Variants in AKAP6 observed in about 807,000 individuals in gnomAD.
AKAP6 encodes the protein A-kinase anchor protein 6.
Under a neutral mutation model 188.5 loss-of-function variants are expected in AKAP6, and 58 were observed. That is an observed-to-expected ratio of 0.31 (90% CI 0.25 to 0.38). The LOEUF is 0.38. Ranked by LOEUF, AKAP6 falls within the 10% of genes least tolerant of loss-of-function variation. AKAP6 has a pLI of 1.00. For missense variants in AKAP6, 2,710 were observed against 2,740.0 expected (o/e 0.99, Z 0.24); for synonymous variants, 989 against 998.6 (o/e 0.99, Z 0.18).
intron 5 of AKAP6, among the ~76,000 whole-genome samples, chr14:32,583,794 A>G (rs1885096967): frequency 6.6e-6 from 1 of 151,898 alleles, no homozygotes; most frequent in African/African-American, 2.4e-5. Flanking sequence ...GCGGGATATA[A>G]TCTCCCGGTG....
At chr14:32,734,301 T>A (rs1162189403) in intron 10 of AKAP6, 1 of 152,172 alleles carries the variant, frequency 6.6e-6, no homozygotes, top group Non-Finnish European at 1.5e-5. Context: ...TAATATTACT[T>A]TCATCTAAGG....
chr14:32,781,152 G>A (rs909759589), intron 12 of AKAP6, among the ~76,000 whole-genome samples: 8 of 151,814 alleles, frequency 5.3e-5, no homozygotes, highest in African/African-American at 1.7e-4. Flanking sequence ...GAAAATCTGG[G>A]GTTATTTTTG....
chr14:32,397,348 A>G (rs570735061), intron 1 of AKAP6, among the ~76,000 whole-genome samples: 4 of 151,950 alleles, frequency 2.6e-5, no homozygotes, highest in African/African-American at 9.6e-5. Flanking sequence ...ACATAATGGT[A>G]CAGAAGTTAT....
At chr14:32,732,257 CTG>C (rs3830858) in intron 9 of AKAP6, among the ~76,000 whole-genome samples, 195 bp from the exon 10 acceptor site, 20,828 of 149,958 alleles carry the variant, frequency 0.14, 1,523 homozygotes, top group Middle Eastern at 0.21. Context: ...AATGTAATAA[CTG>C]TGTGTGTGTG....
In AKAP6 at chr14:32,552,086, GA is replaced by G. The variant is rs758744557; in HGVS notation, c.2346+5089del. Among the ~76,000 whole-genome samples, 6 of 152,322 alleles carry G rather than the reference GA, an allele frequency of 3.9e-5. No homozygotes were observed. The South Asian group carries it at 1.2e-3, about 32-fold the overall frequency. On this transcript the variant is annotated intron_variant, in intron 4 of 13. Coordinates refer to ENST00000280979, the MANE Select transcript of AKAP6 (RefSeq NM_004274.5). ...ATATTTATCTGTTTAGTTTGTTAAT[GA>G]ATCTCATGTACCTAGAACAATGCCT...
intron 12 of AKAP6, among the ~76,000 whole-genome samples, chr14:32,781,413 T>C (rs2033247885): frequency 6.6e-6 from 1 of 151,804 alleles, no homozygotes; most frequent in Non-Finnish European, 1.5e-5. Flanking sequence ...CTAAATACAT[T>C]GAGTCATTAG....
rs759532145 is a variant in AKAP6, at chr14:32,545,539, C to G, written c.886C>G (p.Gln296Glu). The change falls in exon 4 of 14, where the codon CAA becomes GAA. Residue 296 changes from glutamine to glutamate, a missense_variant. Physicochemically the swap from Gln to Glu is conservative, Grantham distance 29. Transcript: ENST00000280979. ...GSEAVTEEVSQVSLSVDDKGG... is the reference protein window; with the variant it reads ...GSEAVTEEVSEVSLSVDDKGG... ...TGAAGCAGTTACTGAGGAGGTATCT[C>G]AAGTATCTCTCTCAGTAGACGACAA... 1 of 1,614,192 alleles carries G rather than the reference C, an allele frequency of 6.2e-7. No homozygotes were observed. Among genetic ancestry groups the G allele is most frequent in the South Asian group, 1.1e-5 (1 of 91,080 alleles).
At chr14:32,684,817 A>G (rs1488132950) in intron 8 of AKAP6, among the ~76,000 whole-genome samples, 1 of 152,218 alleles carries the variant, frequency 6.6e-6, no homozygotes, top group Non-Finnish European at 1.5e-5. Flanking sequence ...AATAATATGA[A>G]AAATCATTAA....
intron 2 of AKAP6, among the ~76,000 whole-genome samples, chr14:32,466,995 GAA>G (rs1566520633): frequency 1.3e-5 from 2 of 150,968 alleles, no homozygotes; most frequent in African/African-American, 2.4e-5. Flanking sequence ...GGTTGTATTT[GAA>G]AAGAGTATAC....
At chr14:32,519,177 A>C (rs1326536838) in intron 2 of AKAP6, among the ~76,000 whole-genome samples, 1 of 152,240 alleles carries the variant, frequency 6.6e-6, no homozygotes, top group East Asian at 1.9e-4. Flanking sequence ...CCTGCCTTAC[A>C]AGAACTCCTG....
chr14:32,397,728 A>T (rs1482605320), intron 1 of AKAP6, among the ~76,000 whole-genome samples: 1 of 152,190 alleles, frequency 6.6e-6, no homozygotes, highest in East Asian at 1.9e-4. Context: ...TATTTGCCAC[A>T]TTCTGTGGCT....
intron 7 of AKAP6, among the ~76,000 whole-genome samples, chr14:32,629,773 T>G (rs1887181682): frequency 6.6e-6 from 1 of 151,848 alleles, no homozygotes; most frequent in African/African-American, 2.4e-5. Context: ...TTATGTCTTT[T>G]ATAAGAATGA....
chr14:32,821,766 A>T lies in AKAP6; in HGVS notation c.3953A>T (p.Asn1318Ile), dbSNP rs2034526771. ...NPKVTGMTQP[N>I]VLTKSLSKDS... ...AAGGTCACTGGCATGACACAGCCTA[A>T]TGTTTTAACTAAGAGTCTCAGTAAA... Residue 1318 changes from asparagine to isoleucine, a missense_variant, in exon 13 of 14, where the codon AAT becomes ATT. Asn to Ile is a moderately radical substitution (Grantham distance 149, BLOSUM62 -3). Transcript: ENST00000280979. 1.9e-6 allele frequency: 3 copies of T among 1,613,778 alleles called. No homozygotes were observed. In the East Asian group the frequency reaches 6.7e-5, roughly 36 times the overall value.
Position 32,802,292 on chromosome 14 carries a change from G to A in AKAP6, c.3589-19110G>A, listed in dbSNP as rs1849381492. ...GTTCATAATCTTCCAAGCCTCCATA[G>A]TCTGGTACCACTGTGACTATATAAA... On this transcript the variant is annotated intron_variant, in intron 12 of 13. Transcript: ENST00000280979. Among the ~76,000 whole-genome samples, 5 of 152,120 alleles carry A rather than the reference G, an allele frequency of 3.3e-5. No individual in the cohort carries two copies. The South Asian group carries it at 1.0e-3, about 31-fold the overall frequency.
chr14:32,415,827 T>C (rs1889638706), intron 1 of AKAP6, among the ~76,000 whole-genome samples: 1 of 152,210 alleles, frequency 6.6e-6, no homozygotes, highest in Non-Finnish European at 1.5e-5. Flanking sequence ...TAGCATAATG[T>C]CCTCAAGGTT....
chr14:32,820,311 C>G (rs1272221507), intron 12 of AKAP6, among the ~76,000 whole-genome samples: 4 of 152,034 alleles, frequency 2.6e-5, no homozygotes, highest in African/African-American at 9.7e-5. Flanking sequence ...TTTCTTGGCT[C>G]TAGCATGAAT....
At chr14:32,398,843 T>TG (rs1325428575) in intron 1 of AKAP6, among the ~76,000 whole-genome samples, 7 of 120,400 alleles carry the variant, frequency 5.8e-5, no homozygotes, top group Non-Finnish European at 1.0e-4. Context: ...TCTTTCTTCC[T>TG]GTTTTTTTTT....
chr14:32,738,300 A>G (rs1305152974), intron 11 of AKAP6, among the ~76,000 whole-genome samples: 1 of 152,134 alleles, frequency 6.6e-6, no homozygotes, highest in Non-Finnish European at 1.5e-5. Context: ...AACCAAATTC[A>G]TTATTCTAAA....
intron 2 of AKAP6, among the ~76,000 whole-genome samples, chr14:32,491,146 A>G (rs1045358955): frequency 1.9e-4 from 29 of 152,136 alleles, no homozygotes; most frequent in African/African-American, 2.7e-4. Context: ...TAATTGCTTC[A>G]TATGTATCCC....
Sources: allele counts gnomAD v4.1 joint callset (sites outside exome capture counted in the v4.1 genomes callset), GRCh38; gene constraint gnomAD v4.1.1; transcripts MANE v1.5; gene names NCBI Gene and HGNC (gene_info 2026-07-23, HGNC 2026-07-21).